WLS: variants seen among roughly 807,000 people sequenced by gnomAD.
WLS encodes protein wntless homolog.
A neutral mutation model predicts 62.8 loss-of-function variants in WLS; 23 were observed. The ratio of observed to expected loss-of-function variants is 0.37; its 90% CI spans 0.26 to 0.52. WLS has a LOEUF of 0.52. Ranked by LOEUF, WLS falls within the 20% of genes least tolerant of loss-of-function variation. The probability of loss-of-function intolerance (pLI) is 0.92; values close to 1 mark genes in which losing one functional copy is unlikely to be tolerated. For synonymous variants in WLS, 246 were observed against 244.1 expected (o/e 1.01, Z -0.07); for missense variants, 615 against 697.3 (o/e 0.88, Z 1.33).
chr1:68,230,580 T>TGC (rs763375106), intron 1 of WLS, among the ~76,000 whole-genome samples: 14 of 80,518 alleles, frequency 1.7e-4, no homozygotes, highest in Non-Finnish European at 3.1e-4. Flanking sequence ...CGTGTGTGTG[T>TGC]GTGCGCGCGT....
At chr1:68,185,657 C>T (rs1357410754) in intron 2 of WLS, among the ~76,000 whole-genome samples, 1 of 152,140 alleles carries the variant, frequency 6.6e-6, no homozygotes, top group African/African-American at 2.4e-5. Context: ...CATACCCAAA[C>T]CATCCCCCAT....
Position 68,137,813 on chromosome 1 carries a change from A to G in WLS, c.1483T>C (p.Ser495Pro). The change falls in exon 11 of 12, where the codon TCC becomes CCC. Residue 495 changes from serine to proline, a missense_variant. Coordinates refer to ENST00000262348, the MANE Select transcript of WLS (RefSeq NM_024911.7). Reference protein sequence around the residue: ...VFALMFLYAPSHKNYGEDQSN... With the variant: ...VFALMFLYAPPHKNYGEDQSN... ...TGGTCTTCTCCATAGTTTTTATGGG[A>G]TGGTGCATACAAGAACATCAGAGCA... 1 of 1,613,912 alleles carries G rather than the reference A, an allele frequency of 6.2e-7. No homozygotes were observed. Among genetic ancestry groups the G allele is most frequent in the Non-Finnish European group, 8.5e-7 (1 of 1,179,844 alleles).
At chr1:68,157,714 T>G (rs1418344034) in intron 3 of WLS, among the ~76,000 whole-genome samples, 3 of 152,164 alleles carry the variant, frequency 2.0e-5, no homozygotes, top group African/African-American at 7.2e-5. Context: ...TCCTTCGCAC[T>G]TTTCAAGATT....
At chr1:68,103,994 C>T (rs550240355) in intron 11 of WLS, among the ~76,000 whole-genome samples, 1 of 152,240 alleles carries the variant, frequency 6.6e-6, no homozygotes, top group Non-Finnish European at 1.5e-5. Flanking sequence ...ATAAGACATG[C>T]CCTACCTCTG....
chr1:68,156,107 TC>T (rs1297047691), intron 3 of WLS, among the ~76,000 whole-genome samples: 1 of 152,022 alleles, frequency 6.6e-6, no homozygotes, highest in African/African-American at 2.4e-5. Context: ...TCACCAGGAC[TC>T]CCGGCTGTGT....
chr1:68,191,058 CAAAAAA>C (rs10590224), intron 2 of WLS, among the ~76,000 whole-genome samples: 2 of 131,278 alleles, frequency 1.5e-5, no homozygotes, highest in East Asian at 2.3e-4. Flanking sequence ...AACTCAGACT[CAAAAAA>C]AAAAAAAAAA....
intron 1 of WLS, among the ~76,000 whole-genome samples, chr1:68,196,956 GA>G (rs1648698683): frequency 6.6e-6 from 1 of 152,146 alleles, no homozygotes; most frequent in African/African-American, 2.4e-5. Context: ...TGTGGTTGGA[GA>G]AATAAACAGT....
intron 11 of WLS, among the ~76,000 whole-genome samples, chr1:68,109,186 C>T: frequency 8.2e-6 from 1 of 122,024 alleles, no homozygotes; most frequent in African/African-American, 3.0e-5. Flanking sequence ...AATCAAAAGC[C>T]AGCTAACAAG....
intron 1 of WLS, among the ~76,000 whole-genome samples, chr1:68,215,912 A>C (rs946614479): frequency 6.6e-6 from 1 of 152,152 alleles, no homozygotes; most frequent in Non-Finnish European, 1.5e-5. Context: ...TTTAAGATTT[A>C]CCCTGGGGTT....
intron 10 of WLS, among the ~76,000 whole-genome samples, chr1:68,138,689 T>C (rs551280148): frequency 6.6e-6 from 1 of 152,330 alleles, no homozygotes; most frequent in South Asian, 2.1e-4. Flanking sequence ...CCTAAAGATA[T>C]ATGGATTACA....
intron 10 of WLS, 90 bp downstream of exon 10, chr1:68,144,479 C>A (rs1646727422): frequency 2.3e-6 from 3 of 1,311,058 alleles, no homozygotes; most frequent in Non-Finnish European, 2.1e-6. Flanking sequence ...CCTCTCTCCT[C>A]CTTTCCTCAG....
At chr1:68,144,468 G>T in intron 10 of WLS, 101 bp downstream of exon 10, 1 of 1,146,568 alleles carries the variant, frequency 8.7e-7, no homozygotes, top group Non-Finnish European at 1.2e-6. Context: ...CAGAATTATG[G>T]CCTCTCTCCT....
intron 1 of WLS, among the ~76,000 whole-genome samples, chr1:68,212,610 A>G (rs1339056250): frequency 1.3e-5 from 2 of 152,192 alleles, no homozygotes; most frequent in African/African-American, 4.8e-5. Context: ...AAGTACTCAA[A>G]TAATATTACC....
rs368487427 is a variant in WLS at position 68,159,221 on chromosome 1, C to T, written c.406G>A (p.Val136Ile). 18 of 1,613,942 alleles carry T rather than the reference C, an allele frequency of 1.1e-5. No homozygotes were observed. Among genetic ancestry groups the T allele is most frequent in the Middle Eastern group, 1.6e-4 (1 of 6,082 alleles). ...IRENAEVSMD[V>I]SLAYRDDAFA... is the part of the protein sequence containing the mutation. ...GCGTCATCACGGTAAGCCAGGGAAA[C>T]GTCCATGGAGACTTCTGCATTTTCT... is the stretch of plus-strand genomic sequence containing the variant. Residue 136 changes from valine (V) to isoleucine (I), a missense_variant, in exon 3 of 12, where the codon GTT becomes ATT. Coordinates refer to ENST00000262348, the MANE Select transcript of WLS (RefSeq NM_024911.7).
chr1:68,229,715 C>CAAA (rs57287522), intron 1 of WLS, among the ~76,000 whole-genome samples: 72 of 151,034 alleles, frequency 4.8e-4, no homozygotes, highest in African/African-American at 9.0e-4. Flanking sequence ...GATTTAAGAG[C>CAAA]AAAAAAAAAT....
In WLS at chr1:68,228,172, CAAT is replaced by C. The variant is rs1479904634; in HGVS notation, c.106+4019_106+4021del. 7.5e-5 allele frequency: 30 copies of C among 398,862 alleles called. No individual in the cohort carries two copies. The Admixed American group carries it at 1.0e-3, about 14-fold the overall frequency. The allele number at this position is 398,862 out of a possible 1,614,324, so 24.7% of individuals were successfully genotyped here. ...CACATAAGTTACCTTTTGGAAGAAA[CAAT>C]GATCTTTTCTAAAGAAATAATAATT... On this transcript the variant is annotated intron_variant, in intron 1 of 11. Transcript: ENST00000262348.
At chr1:68,134,113 A>G (rs992555487) in intron 11 of WLS, among the ~76,000 whole-genome samples, 1 of 152,208 alleles carries the variant, frequency 6.6e-6, no homozygotes, top group African/African-American at 2.4e-5. Context: ...AGAGACTCAG[A>G]GAATGTAAAG....
At chr1:68,159,310 A>C in intron 2 of WLS, 63 bp from the exon 3 acceptor site, 1 of 1,577,078 alleles carries the variant, frequency 6.3e-7, no homozygotes, top group East Asian at 2.3e-5. Flanking sequence ...GAAACAGCTC[A>C]AAAAATTCTT....
At chr1:68,134,183 T>C (rs1646572173) in intron 11 of WLS, among the ~76,000 whole-genome samples, 1 of 152,196 alleles carries the variant, frequency 6.6e-6, no homozygotes. Flanking sequence ...TATTCCAAAC[T>C]AGGTCTTTCC....
Sources: gnomAD v4.1 joint callset for allele counts (sites outside exome capture counted in the v4.1 genomes callset) on GRCh38, gnomAD v4.1.1 for gene constraint, MANE v1.5 for transcripts, NCBI Gene and HGNC (gene_info 2026-07-23, HGNC 2026-07-21) for gene names.